ANKS1B: variants seen among roughly 807,000 people sequenced by gnomAD.
The protein encoded by ANKS1B is ankyrin repeat and sterile alpha motif domain containing 1B.
A neutral mutation model predicts 148.3 loss-of-function variants in ANKS1B; 36 were observed. The ratio of observed to expected loss-of-function variants is 0.24; its 90% CI spans 0.19 to 0.32. ANKS1B has a LOEUF of 0.32. Among genes scored for constraint, ANKS1B ranks in the 10% least tolerant of loss-of-function variants. The pLI is 1.00. For synonymous variants in ANKS1B, 542 were observed against 560.8 expected (o/e 0.97, Z 0.47); for missense variants, 1,157 against 1,542.6 (o/e 0.75, Z 4.19).
intron 4 of ANKS1B, among the ~76,000 whole-genome samples, chr12:99,791,161 A>T (rs565951311): frequency 7.9e-5 from 12 of 152,144 alleles, no homozygotes; most frequent in Non-Finnish European, 1.3e-4. Flanking sequence ...TAAGATAAAA[A>T]TTGTAGGAAA....
intron 19 of ANKS1B, among the ~76,000 whole-genome samples, chr12:98,812,890 C>T (rs924863994): frequency 5.3e-5 from 8 of 152,046 alleles, no homozygotes; most frequent in Non-Finnish European, 8.8e-5. Flanking sequence ...TTCCAGATAC[C>T]GCAGTAGTTT....
intron 12 of ANKS1B, among the ~76,000 whole-genome samples, chr12:99,301,164 CT>C (rs2081546357): frequency 6.6e-6 from 1 of 152,170 alleles, no homozygotes. Flanking sequence ...CTTCCTTCAC[CT>C]TTTCATTCTA....
At chr12:99,010,426 G>A (rs1200652741) in intron 17 of ANKS1B, among the ~76,000 whole-genome samples, 1 of 152,150 alleles carries the variant, frequency 6.6e-6, no homozygotes, top group African/African-American at 2.4e-5. Context: ...GACTTAAAAG[G>A]TCAGAACCCT....
At chr12:99,807,332 G>A (rs1193963530) in intron 3 of ANKS1B, among the ~76,000 whole-genome samples, 1 of 152,142 alleles carries the variant, frequency 6.6e-6, no homozygotes, top group Non-Finnish European at 1.5e-5. Flanking sequence ...AGTACAACAT[G>A]TGCAGCTTAT....
At chr12:99,936,812 A>G (rs925836767) in intron 1 of ANKS1B, among the ~76,000 whole-genome samples, 12 of 152,196 alleles carry the variant, frequency 7.9e-5, no homozygotes, top group African/African-American at 2.7e-4. Context: ...AGAAAAGTGT[A>G]AGTATTCAAT....
chr12:99,435,036 G>A (rs886644249), intron 11 of ANKS1B, among the ~76,000 whole-genome samples: 4 of 152,060 alleles, frequency 2.6e-5, no homozygotes, highest in Admixed American at 6.6e-5. Context: ...CCATATTCCT[G>A]TAGGATAAAC....
At chr12:99,369,940 G>A (rs886734251) in intron 12 of ANKS1B, among the ~76,000 whole-genome samples, 1 of 151,492 alleles carries the variant, frequency 6.6e-6, no homozygotes, top group Non-Finnish European at 1.5e-5. Flanking sequence ...TTGGGTGATG[G>A]GCATACGTTA....
At chr12:99,376,909 T>C (rs534417478) in intron 12 of ANKS1B, among the ~76,000 whole-genome samples, 1 of 152,238 alleles carries the variant, frequency 6.6e-6, no homozygotes, top group South Asian at 2.1e-4. Flanking sequence ...ATTGATTAAA[T>C]CATGGATACA....
intron 10 of ANKS1B, among the ~76,000 whole-genome samples, chr12:99,445,671 T>G (rs2095624594): frequency 1.3e-5 from 2 of 152,008 alleles, no homozygotes; most frequent in Admixed American, 1.3e-4. Flanking sequence ...ATAAAATCTA[T>G]GAATTTTTTT....
intron 1 of ANKS1B, among the ~76,000 whole-genome samples, chr12:99,942,399 G>T (rs1474568349): frequency 1.3e-5 from 2 of 152,164 alleles, no homozygotes; most frequent in Non-Finnish European, 2.9e-5. Context: ...AACTCAGTTT[G>T]CAAGGAGTTA....
chr12:99,428,204 C>A (rs986556252), intron 11 of ANKS1B, among the ~76,000 whole-genome samples: 1 of 152,004 alleles, frequency 6.6e-6, no homozygotes, highest in Non-Finnish European at 1.5e-5. Flanking sequence ...ATGTGGAGGG[C>A]AGCCAGGGTA....
intron 25 of ANKS1B, among the ~76,000 whole-genome samples, chr12:98,753,216 G>GT (rs1181256229): frequency 6.6e-6 from 1 of 152,170 alleles, no homozygotes; most frequent in Non-Finnish European, 1.5e-5. Flanking sequence ...CTCCAAATGT[G>GT]TATCTTTGAT....
intron 1 of ANKS1B, among the ~76,000 whole-genome samples, chr12:99,911,375 C>T (rs1482929452): frequency 6.6e-6 from 1 of 152,090 alleles, no homozygotes; most frequent in African/African-American, 2.4e-5. Flanking sequence ...CATCTACAAA[C>T]ATGGAAATTG....
chr12:99,425,609 T>C (rs1347784258), intron 11 of ANKS1B, among the ~76,000 whole-genome samples: 2 of 151,980 alleles, frequency 1.3e-5, no homozygotes, highest in East Asian at 1.9e-4. Context: ...ATATTTTTGT[T>C]TTTAAAAAGT....
chr12:99,967,265 T>C lies in ANKS1B; in HGVS notation c.134+16839A>G, dbSNP rs186105142. Among the ~76,000 whole-genome samples the C allele has an allele frequency of 1.8e-4, 27 of 152,300 alleles. No individual in the cohort carries two copies. The East Asian group carries it at 5.0e-3, about 28-fold the overall frequency. On this transcript the variant is annotated intron_variant, in intron 1 of 26. Coordinates refer to ENST00000683438, the MANE Select transcript of ANKS1B (RefSeq NM_001352186.2). ...GATAGATATTTTATATAAATTATCTTTAACCATTCCAACTCTACAAGATAG... is the reference window on the plus strand; with the variant it reads ...GATAGATATTTTATATAAATTATCTCTAACCATTCCAACTCTACAAGATAG...
intron 15 of ANKS1B, among the ~76,000 whole-genome samples, chr12:99,125,418 G>A (rs2064043646): frequency 6.6e-6 from 1 of 152,178 alleles, no homozygotes. Context: ...TAATGTCAGA[G>A]AAATGTACCC....
In ANKS1B at chr12:99,906,970, G is replaced by A. The variant is rs1220801716; in HGVS notation, c.134+77134C>T. ...AAAGATACACATAAGGTCCCATGGA[G>A]CACAGAGTAGAGAACTAACATTGCC... On this transcript the variant is annotated intron_variant, in intron 1 of 26. Coordinates refer to ENST00000683438, the MANE Select transcript of ANKS1B (RefSeq NM_001352186.2). 3.9e-5 allele frequency among the ~76,000 whole-genome samples: 6 copies of A among 152,224 alleles called. No homozygotes were observed. The East Asian group carries it at 1.2e-3, about 29-fold the overall frequency.
At chr12:99,558,868 A>G (rs2097304573) in intron 9 of ANKS1B, among the ~76,000 whole-genome samples, 1 of 152,116 alleles carries the variant, frequency 6.6e-6, no homozygotes, top group Admixed American at 6.5e-5. Flanking sequence ...AGCCATTCCC[A>G]TGCCAAACCT....
intron 8 of ANKS1B, among the ~76,000 whole-genome samples, chr12:99,718,675 A>G (rs141183221): frequency 0.014 from 2,166 of 152,238 alleles, 40 homozygotes; most frequent in African/African-American, 0.04. Flanking sequence ...TATCCACCCC[A>G]TGGTGCCAAA....
Sources: gnomAD v4.1 joint callset for allele counts (sites outside exome capture counted in the v4.1 genomes callset) on GRCh38, gnomAD v4.1.1 for gene constraint, MANE v1.5 for transcripts, NCBI Gene and HGNC (gene_info 2026-07-23, HGNC 2026-07-21) for gene names.